The following STON2 variants were observed in gnomAD, a reference collection of about 807,000 sequenced individuals.
STON2 encodes stonin-2.
In STON2, 29 loss-of-function variants were observed where a neutral mutation model predicts 65.7. The observed-to-expected ratio is 0.44, with a 90% CI of 0.33 to 0.60. The LOEUF (loss-of-function observed/expected upper bound fraction) is 0.60, where lower values mean the gene tolerates loss of function less well. Ranked by LOEUF, STON2 falls within the 20% of genes least tolerant of loss-of-function variation. The pLI, the probability that STON2 is intolerant of heterozygous loss-of-function variation, is 0.03. For synonymous variants in STON2, 404 were observed against 414.2 expected, an observed-to-expected ratio of 0.98 and a Z score of 0.30; for missense variants, 1,054 against 1,118.1, an observed-to-expected ratio of 0.94 and a Z score of 0.82.
chr14:81,297,938 G>A (rs958048132), intron 5 of STON2, among the ~76,000 whole-genome samples: 11 of 152,232 alleles, frequency 7.2e-5, no homozygotes, highest in Non-Finnish European at 1.5e-4. Flanking sequence ...TCGGGAGGCT[G>A]AGGCAGGAGA....
intron 5 of STON2, among the ~76,000 whole-genome samples, chr14:81,305,916 T>A (rs1011182368): frequency 6.6e-6 from 1 of 152,100 alleles, no homozygotes; most frequent in African/African-American, 2.4e-5. Context: ...TGAAAATGAA[T>A]CTGAAAATGG....
chr14:81,319,364 C>A (rs1896741995), intron 5 of STON2, among the ~76,000 whole-genome samples: 1 of 152,110 alleles, frequency 6.6e-6, no homozygotes, highest in Non-Finnish European at 1.5e-5. Flanking sequence ...GGTCCTATTA[C>A]ATTCCCAGTG....
intron 5 of STON2, among the ~76,000 whole-genome samples, chr14:81,308,624 A>G (rs565291130): frequency 6.6e-6 from 1 of 151,936 alleles, no homozygotes; most frequent in East Asian, 1.9e-4. Context: ...CTGGCCACTC[A>G]TGCTACAACT....
At chr14:81,373,880 TA>T (rs1387618758) in intron 3 of STON2, among the ~76,000 whole-genome samples, 12 of 151,996 alleles carry the variant, frequency 7.9e-5, no homozygotes, top group Admixed American at 5.2e-4. Context: ...TTTTTTCACA[TA>T]GGGGTGTACA....
At position 81,268,296 on chromosome 14, in the gene STON2, G is replaced by A. The variant is rs2140093683; in HGVS notation, c.*118C>T. The stretch of plus-strand genomic sequence containing the variant: ...AGATCTGGTATACTGTTCCCAACAT[G>A]CAGTGGCCACAGCAGGTATTGACTG... On this transcript the variant is annotated 3_prime_UTR_variant, in exon 8 of 8. Transcript: ENST00000614646. The A allele has an allele frequency of 8.2e-7, 1 of 1,225,970 alleles. No individual in the cohort carries two copies. The highest frequency in any genetic ancestry group is 1.0e-6 in the Non-Finnish European group (1 of 961,126). The allele number at this position is 1,225,970 out of a possible 1,614,324, so 75.9% of individuals were successfully genotyped here. A position where few individuals can be genotyped will look rare whatever the true frequency, so the allele number is the denominator to read the frequency against.
At position 81,398,375 on chromosome 14, in the gene STON2, G is replaced by C. The variant is rs905891259; in HGVS notation, c.8C>G (p.Thr3Ser). 2 of 1,613,844 alleles carry C rather than the reference G, an allele frequency of 1.2e-6. No homozygotes were observed. The highest frequency in any genetic ancestry group is 2.7e-5 in the African/African-American group (2 of 74,908). ...GTGGGTGGCAATCACATGGTCCAAA[G>C]TCGTCATGCTAAAAAGGCACTGGTC... is the stretch of plus-strand genomic sequence containing the variant. MTTLDHVIATHQS... is the reference protein window; with the variant it reads MTSLDHVIATHQS... The change falls in exon 2 of 8, where the codon ACT becomes AGT. Residue 3 changes from threonine (T) to serine (S), a missense_variant. By Grantham distance (58) the Thr-to-Ser change is moderately conservative. Transcript: ENST00000614646.
At chr14:81,417,693 A>G (rs1226273312) in intron 2 of STON2, among the ~76,000 whole-genome samples, 2 of 152,242 alleles carry the variant, frequency 1.3e-5, no homozygotes, top group African/African-American at 4.8e-5. Flanking sequence ...ATTACGGGTG[A>G]AAAGTTAGAT....
upstream of STON2, among the ~76,000 whole-genome samples, chr14:81,404,722 G>A (rs1900765153): frequency 6.6e-6 from 1 of 152,048 alleles, no homozygotes; most frequent in Non-Finnish European, 1.5e-5. Context: ...GCCCAGGCTG[G>A]TCTCAAACTC....
chr14:81,270,808 G>A lies in STON2; in HGVS notation c.2646C>T (p.Ser882=). ...CGACATTCACGTGATTGGCAAATCT[G>A]GAAGGCACTTCCCGGTCAGAGCCGA... The part of the protein sequence containing the change: ...LELGSDREVP[S]RFANHVNVEF... The change falls in exon 7 of 8, where the codon TCC becomes TCT. Residue 882 remains serine, a synonymous_variant. Transcript: ENST00000614646. The A allele has an allele frequency of 6.2e-7, 1 of 1,614,066 alleles. No homozygotes were observed.
chr14:81,335,118 G>A (rs1053904193), intron 4 of STON2, among the ~76,000 whole-genome samples: 5 of 151,436 alleles, frequency 3.3e-5, no homozygotes, highest in African/African-American at 9.7e-5. Context: ...CACCTGCTTC[G>A]GCCTCCCAAA....
At chr14:81,289,623 G>A (rs1028521354) in intron 5 of STON2, among the ~76,000 whole-genome samples, 7 of 152,150 alleles carry the variant, frequency 4.6e-5, no homozygotes, top group Admixed American at 2.0e-4. Flanking sequence ...TCATCTGCGC[G>A]TGTGACATTC....
chr14:81,290,741 C>T (rs1421519517), intron 5 of STON2, among the ~76,000 whole-genome samples: 1 of 152,158 alleles, frequency 6.6e-6, no homozygotes, highest in Non-Finnish European at 1.5e-5. Flanking sequence ...AACCAAATAG[C>T]TCATGTATGC....
At position 81,324,075 on chromosome 14, in the gene STON2, G is replaced by T. The variant is rs970261799; in HGVS notation, c.684C>A (p.Pro228=). Among the ~76,000 whole-genome samples, 1 of 152,238 alleles carries T rather than the reference G, an allele frequency of 6.6e-6. No homozygotes were observed. Among genetic ancestry groups the T allele is most frequent in the African/African-American group, 2.4e-5 (1 of 41,460 alleles). Residue 228 remains proline, a synonymous_variant, in exon 5 of 8, where the codon CCC becomes CCA. Coordinates refer to ENST00000614646, the MANE Select transcript of STON2 (RefSeq NM_001394390.1). ...THRLDPSPPS[P]QPKRSQNPGE... is the part of the protein sequence containing the mutation. ...CGGGGTTCTGGCTCCTCTTGGGCTG[G>T]GGTGAGGGTGGCGAGGGGTCCAGGC...
intron 4 of STON2, among the ~76,000 whole-genome samples, chr14:81,325,281 G>C (rs970877216): frequency 6.6e-6 from 1 of 152,166 alleles, no homozygotes; most frequent in East Asian, 1.9e-4. Context: ...GTACTATATA[G>C]GTTTCTCTAC....
chr14:81,435,041 T>C (rs1007159983), intron 1 of STON2, among the ~76,000 whole-genome samples: 1 of 152,006 alleles, frequency 6.6e-6, no homozygotes, highest in Non-Finnish European at 1.5e-5. Context: ...TTCAAATACT[T>C]CCCCCAAATC....
intron 3 of STON2, chr14:81,395,200 T>G (rs543546517): frequency 1.3e-5 from 2 of 152,222 alleles, no homozygotes; most frequent in South Asian, 4.1e-4. Context: ...TATTGGTGAC[T>G]TGGTTAGACA....
At chr14:81,365,794 C>T (rs1898696842) in intron 4 of STON2, among the ~76,000 whole-genome samples, 1 of 152,002 alleles carries the variant, frequency 6.6e-6, no homozygotes, top group African/African-American at 2.4e-5. Context: ...AGAACCCAAA[C>T]CAAAGACTAC....
intron 2 of STON2, among the ~76,000 whole-genome samples, chr14:81,396,382 G>A (rs6574650): frequency 0.18 from 26,877 of 152,156 alleles, 3,063 homozygotes; most frequent in East Asian, 0.43. Flanking sequence ...AGCTCAGCAT[G>A]TCTCCAGTCA....
rs779593206 is a variant in STON2, at chr14:81,276,906, T to C, written c.2576A>G (p.Asn859Ser). 7 of 1,605,568 alleles carry C rather than the reference T, an allele frequency of 4.4e-6. No homozygotes were observed. The African/African-American group carries it at 8.0e-5, about 18-fold the overall frequency. ...GAAGAGGAACCACCACCCACCTGAGTTTTTGTCCGGCAGTCGGTTTATCCT... is the reference window on the plus strand; with the variant it reads ...GAAGAGGAACCACCACCCACCTGAGCTTTTGTCCGGCAGTCGGTTTATCCT... ...VWRINRLPDK[N>S]SASGHPHCFF... Residue 859 changes from asparagine (N) to serine (S), a missense_variant, in exon 6 of 8, where the codon AAC (asparagine) becomes AGC (serine). Coordinates refer to ENST00000614646, the MANE Select transcript of STON2 (RefSeq NM_001394390.1).
Sources: allele counts gnomAD v4.1 joint callset (sites outside exome capture counted in the v4.1 genomes callset), GRCh38; gene constraint gnomAD v4.1.1; transcripts MANE v1.5; gene names NCBI Gene and HGNC (gene_info 2026-07-23, HGNC 2026-07-21).